The following PTPRO variants were observed in gnomAD, a reference collection of about 807,000 sequenced individuals.
The protein encoded by PTPRO is protein tyrosine phosphatase receptor type O, also known as receptor-type tyrosine-protein phosphatase O.
In PTPRO, 62 loss-of-function variants were observed where a neutral mutation model predicts 145.2. The observed-to-expected ratio is 0.43, with a 90% CI of 0.35 to 0.53. The LOEUF (loss-of-function observed/expected upper bound fraction) is 0.53, where lower values mean the gene tolerates loss of function less well. Among genes scored for constraint, PTPRO ranks in the 20% least tolerant of loss-of-function variants. The probability of loss-of-function intolerance (pLI) is 0.01; values close to 1 mark genes in which losing one functional copy is unlikely to be tolerated. For missense variants in PTPRO, 1,345 were observed against 1,482.7 expected, an observed-to-expected ratio of 0.91 and a Z score of 1.53; for synonymous variants, 565 against 514.7, an observed-to-expected ratio of 1.10 and a Z score of -1.32.
intron 1 of PTPRO, among the ~76,000 whole-genome samples, chr12:15,448,062 T>C (rs1308284677): frequency 6.6e-6 from 1 of 152,120 alleles, no homozygotes; most frequent in Non-Finnish European, 1.5e-5. Context: ...ACTGTAATAA[T>C]AGAGTAATAC....
At chr12:15,404,141 A>G (rs1212402197) in intron 1 of PTPRO, among the ~76,000 whole-genome samples, 2 of 144,274 alleles carry the variant, frequency 1.4e-5, no homozygotes, top group Non-Finnish European at 3.0e-5. Flanking sequence ...GTGAGCCGAG[A>G]TCTCGCCACT....
intron 1 of PTPRO, among the ~76,000 whole-genome samples, chr12:15,437,652 T>G (rs979878913): frequency 1.3e-5 from 2 of 151,990 alleles, no homozygotes; most frequent in African/African-American, 2.4e-5. Flanking sequence ...TTCGTAGATA[T>G]TGGTGCAGGA....
rs777439917 is a variant in PTPRO, at chr12:15,487,388, C to T, written c.349+3141C>T. Among the ~76,000 whole-genome samples the T allele has an allele frequency of 2.0e-5, 3 of 152,110 alleles. No individual in the cohort carries two copies. In the East Asian group the frequency reaches 5.8e-4, roughly 29 times the overall value. On this transcript the variant is annotated intron_variant, in intron 2 of 26. Transcript: ENST00000281171. ...TTTCTGCTCCTCTCCCAGGAACAGG[C>T]GTCTTTTGTTTCTATTCATCCTTCA...
chr12:15,507,454 G>GATAAATAAATAAAT (rs1482775854), intron 6 of PTPRO, among the ~76,000 whole-genome samples: 1 of 96,622 alleles, frequency 1.0e-5, no homozygotes, highest in Non-Finnish European at 2.5e-5. Context: ...AATAAATAAG[G>GATAAATAAATAAAT]AATGAAATAC....
chr12:15,491,150 C>T (rs1002148964), intron 2 of PTPRO, among the ~76,000 whole-genome samples: 3 of 152,148 alleles, frequency 2.0e-5, no homozygotes, highest in Non-Finnish European at 1.5e-5. Context: ...CAGCTCTGGC[C>T]TCAGTCCAGT....
chr12:15,362,704 A>G (rs1179606634), intron 1 of PTPRO, among the ~76,000 whole-genome samples: 2 of 152,188 alleles, frequency 1.3e-5, no homozygotes, highest in African/African-American at 4.8e-5. Context: ...CACATCAAAA[A>G]AAAAGATCTA....
intron 1 of PTPRO, among the ~76,000 whole-genome samples, chr12:15,415,449 G>GGA: frequency 6.7e-6 from 1 of 150,000 alleles, no homozygotes; most frequent in Non-Finnish European, 1.5e-5. Context: ...CAGTGGTGCA[G>GGA]TCTTGGCTCA....
chr12:15,385,386 A>G (rs192762148), intron 1 of PTPRO, among the ~76,000 whole-genome samples: 3 of 152,294 alleles, frequency 2.0e-5, no homozygotes, highest in Admixed American at 2.0e-4. Flanking sequence ...TGCCAGCACA[A>G]AGCAGGAAAT....
rs557374550 is a variant in PTPRO at position 15,443,994 on chromosome 12, C to A, written c.76-39980C>A. On this transcript the variant is annotated intron_variant, in intron 1 of 26. Transcript: ENST00000281171. ...TGCAGTCTCATTAATGAGTATATAT[C>A]AAAAAAAAAAAAAATTCTACCAAAA... 1.7e-3 allele frequency among the ~76,000 whole-genome samples: 248 copies of A among 144,928 alleles called. 10 individuals carry two copies. In the South Asian group the frequency reaches 0.048, roughly 28 times the overall value.
intron 2 of PTPRO, among the ~76,000 whole-genome samples, chr12:15,486,596 C>T (rs1051663174): frequency 1.3e-5 from 2 of 151,948 alleles, no homozygotes; most frequent in African/African-American, 4.8e-5. Context: ...CATTAAAATG[C>T]TTTTTAAAAA....
At chr12:15,340,120 G>A (rs919653963) in intron 1 of PTPRO, among the ~76,000 whole-genome samples, 1 of 152,108 alleles carries the variant, frequency 6.6e-6, no homozygotes, top group African/African-American at 2.4e-5. Flanking sequence ...GGAACTTTAT[G>A]TACATTATCT....
intron 25 of PTPRO, among the ~76,000 whole-genome samples, chr12:15,591,378 A>C (rs534166663): frequency 0.043 from 6,496 of 151,940 alleles, 426 homozygotes; most frequent in African/African-American, 0.15. Context: ...CTCAAAAAAA[A>C]CAAAAAAAAC....
intron 4 of PTPRO, among the ~76,000 whole-genome samples, chr12:15,500,245 C>A (rs1942193089): frequency 1.3e-5 from 2 of 152,098 alleles, no homozygotes; most frequent in Non-Finnish European, 2.9e-5. Flanking sequence ...TTCTGATGAG[C>A]ATCAGGAAGG....
intron 17 of PTPRO, among the ~76,000 whole-genome samples, chr12:15,563,044 A>G (rs553354873): frequency 6.6e-6 from 1 of 152,196 alleles, no homozygotes; most frequent in Admixed American, 6.5e-5. Context: ...TGTCCTTGCT[A>G]TTGCTTTTTC....
intron 1 of PTPRO, among the ~76,000 whole-genome samples, chr12:15,393,236 A>G (rs1421239545): frequency 1.3e-5 from 2 of 152,144 alleles, no homozygotes; most frequent in African/African-American, 4.8e-5. Flanking sequence ...TCACACCAAC[A>G]TGTCTATGAA....
At chr12:15,341,049 A>G (rs1317019911) in intron 1 of PTPRO, among the ~76,000 whole-genome samples, 2 of 152,210 alleles carry the variant, frequency 1.3e-5, no homozygotes, top group African/African-American at 2.4e-5. Context: ...CTATTATTAC[A>G]TATCTGACTG....
rs140051922 is a variant in PTPRO, at chr12:15,545,820, G to A, written c.2165-749G>A. ...AGGCCAAAGTGGGTGGATTGCTGGA[G>A]CCCAGGAGTTTGAGACCAACTTGAG... On this transcript the variant is annotated intron_variant, in intron 12 of 26. Coordinates refer to ENST00000281171, the MANE Select transcript of PTPRO (RefSeq NM_030667.3). Among the ~76,000 whole-genome samples, 640 of 152,152 alleles carry A rather than the reference G, an allele frequency of 4.2e-3. 5 individuals carry two copies. Among genetic ancestry groups the A allele is most frequent in the African/African-American group, 0.015 (613 of 41,530 alleles).
At chr12:15,544,661 C>T (rs1197566713) in intron 12 of PTPRO, among the ~76,000 whole-genome samples, 1 of 152,064 alleles carries the variant, frequency 6.6e-6, no homozygotes, top group Non-Finnish European at 1.5e-5. Flanking sequence ...CTAGGCTCAG[C>T]CTAACTAATC....
In PTPRO at chr12:15,541,681, G is replaced by A. The variant is rs75021221; in HGVS notation, c.2165-4888G>A. ...CACCAGTCTGATTAGATTAGAGCAC[G>A]TGCTAACAGCTTCATTTAATTTAAT... On this transcript the variant is annotated intron_variant, in intron 12 of 26. Coordinates refer to ENST00000281171, the MANE Select transcript of PTPRO (RefSeq NM_030667.3). 6.1e-3 allele frequency among the ~76,000 whole-genome samples: 933 copies of A among 152,222 alleles called. 5 individuals are homozygous for A. The highest frequency in any genetic ancestry group is 0.021 in the African/African-American group (852 of 41,552).
Sources: allele counts gnomAD v4.1 joint callset (sites outside exome capture counted in the v4.1 genomes callset), GRCh38; gene constraint gnomAD v4.1.1; transcripts MANE v1.5; gene names NCBI Gene and HGNC (gene_info 2026-07-23, HGNC 2026-07-21).